ARHGAP26: variants seen among roughly 807,000 people sequenced by gnomAD.
ARHGAP26 encodes rho GTPase-activating protein 26.
A neutral mutation model predicts 104.8 loss-of-function variants in ARHGAP26; 38 were observed. The observed-to-expected ratio is 0.36, with a 90% CI of 0.28 to 0.48. ARHGAP26 has a LOEUF of 0.48. Ranked by LOEUF, ARHGAP26 falls within the 20% of genes least tolerant of loss-of-function variation. The probability of loss-of-function intolerance (pLI) is 0.99; values close to 1 mark genes in which losing one functional copy is unlikely to be tolerated. For missense variants in ARHGAP26, 704 were observed against 947.9 expected, an observed-to-expected ratio of 0.74 and a Z score of 3.38; for synonymous variants, 341 against 340.0, an observed-to-expected ratio of 1.00 and a Z score of -0.03.
chr5:142,962,279 C>T (rs1337372326), intron 11 of ARHGAP26, among the ~76,000 whole-genome samples: 2 of 152,132 alleles, frequency 1.3e-5, no homozygotes, highest in Admixed American at 6.5e-5. Flanking sequence ...GTTTGTTTTG[C>T]CTTTTTTGCA....
rs115254590 is a variant in ARHGAP26, at chr5:143,055,107, C to T, written c.1373+581C>T. Among the ~76,000 whole-genome samples the T allele has an allele frequency of 2.5e-3, 382 of 152,272 alleles. 2 individuals carry two copies. Among genetic ancestry groups the T allele is most frequent in the African/African-American group, 8.8e-3 (365 of 41,544 alleles). The stretch of plus-strand genomic sequence containing the variant: ...TAAAGGTTGGGTTATTGACCAGCTG[C>T]CTGCATCTTAGTTTCATGAATAGAC... On this transcript the variant is annotated intron_variant, in intron 15 of 22. Coordinates refer to ENST00000645722, the MANE Select transcript of ARHGAP26 (RefSeq NM_001135608.3).
intron 1 of ARHGAP26, among the ~76,000 whole-genome samples, chr5:142,821,580 A>G (rs1442159693): frequency 6.6e-6 from 1 of 152,038 alleles, no homozygotes; most frequent in African/African-American, 2.4e-5. Context: ...AGCACCATCA[A>G]CATCGTCTGG....
intron 4 of ARHGAP26, 69 bp from the exon 5 acceptor site, chr5:142,885,229 G>C: frequency 7.7e-7 from 1 of 1,298,732 alleles, no homozygotes; most frequent in Non-Finnish European, 1.1e-6. Context: ...AGGATCTTGA[G>C]AGATGGAGGC....
chr5:142,957,428 C>A (rs560456603), intron 11 of ARHGAP26, among the ~76,000 whole-genome samples: 2 of 152,202 alleles, frequency 1.3e-5, no homozygotes, highest in Non-Finnish European at 2.9e-5. Context: ...CCATTTAGCT[C>A]TCTGCCTTCC....
chr5:142,890,150 AAATATAT>A (rs1282221085), intron 5 of ARHGAP26, among the ~76,000 whole-genome samples: 30 of 70,952 alleles, frequency 4.2e-4, no homozygotes, highest in East Asian at 4.2e-3. Flanking sequence ...AAAAAAAAAA[AAATATAT>A]ATATATATAT....
intron 22 of ARHGAP26, among the ~76,000 whole-genome samples, chr5:143,215,403 C>T (rs997752418): frequency 5.3e-5 from 8 of 152,228 alleles, no homozygotes; most frequent in African/African-American, 1.9e-4. Context: ...TATGTATATG[C>T]TTCTGTCTTC....
intron 1 of ARHGAP26, among the ~76,000 whole-genome samples, chr5:142,777,767 C>T (rs1756641394): frequency 6.6e-6 from 1 of 152,008 alleles, no homozygotes; most frequent in African/African-American, 2.4e-5. Context: ...TGTTTGGGGG[C>T]CAGTGGCGCG....
At chr5:142,796,295 A>G (rs969152841) in intron 1 of ARHGAP26, among the ~76,000 whole-genome samples, 3 of 152,194 alleles carry the variant, frequency 2.0e-5, no homozygotes, top group Non-Finnish European at 4.4e-5. Context: ...TTGGGTTTAA[A>G]TATTGACTCT....
chr5:142,980,227 G>A (rs1428185897), intron 11 of ARHGAP26, among the ~76,000 whole-genome samples: 5 of 152,154 alleles, frequency 3.3e-5, no homozygotes, highest in African/African-American at 1.2e-4. Flanking sequence ...CCATGTAGCA[G>A]TAGTTTGTTC....
At chr5:143,141,403 G>A (rs923063103) in intron 19 of ARHGAP26, among the ~76,000 whole-genome samples, 1 of 152,212 alleles carries the variant, frequency 6.6e-6, no homozygotes, top group Non-Finnish European at 1.5e-5. Flanking sequence ...GTAGCAGATC[G>A]ATTGGACATT....
chr5:142,771,857 T>A (rs1040401995), intron 1 of ARHGAP26, among the ~76,000 whole-genome samples: 1 of 152,248 alleles, frequency 6.6e-6, no homozygotes, highest in Non-Finnish European at 1.5e-5. Flanking sequence ...TTTCTTTTTC[T>A]GGCCAAATAA....
At chr5:142,864,896 A>G (rs972313083) in intron 1 of ARHGAP26, among the ~76,000 whole-genome samples, 7 of 152,216 alleles carry the variant, frequency 4.6e-5, no homozygotes, top group African/African-American at 1.2e-4. Context: ...TGCGCAGCCA[A>G]TGCGCGTCAT....
intron 1 of ARHGAP26, among the ~76,000 whole-genome samples, chr5:142,791,082 G>GTTT (rs3059587): frequency 0.1 from 14,412 of 142,798 alleles, 1,507 homozygotes; most frequent in African/African-American, 0.27. Context: ...TTGCTTTAAA[G>GTTT]TTTTTTTTTT....
intron 1 of ARHGAP26, among the ~76,000 whole-genome samples, chr5:142,869,210 T>C (rs1285351932): frequency 9.2e-5 from 13 of 141,950 alleles, no homozygotes; most frequent in African/African-American, 7.9e-5. Context: ...TCTTTTTTCT[T>C]TTTTTTTTTT....
chr5:142,973,963 T>G (rs989784057), intron 11 of ARHGAP26, among the ~76,000 whole-genome samples: 3 of 152,234 alleles, frequency 2.0e-5, no homozygotes, highest in Non-Finnish European at 4.4e-5. Context: ...ACATACATTT[T>G]GAAGATTATT....
In ARHGAP26 at chr5:143,089,516, T is replaced by G. The variant is rs114024337; in HGVS notation, c.1539-31472T>G. 9.6e-3 allele frequency among the ~76,000 whole-genome samples: 1,467 copies of G among 152,298 alleles called. 24 individuals carry two copies. The highest frequency in any genetic ancestry group is 0.077 in the East Asian group (402 of 5,188). ...CATCAGGGGTGGTGGTGTTTTGGGATGAAGGTACAACACTGAGTTTTAATC... is the reference window on the plus strand; with the variant it reads ...CATCAGGGGTGGTGGTGTTTTGGGAGGAAGGTACAACACTGAGTTTTAATC... On this transcript the variant is annotated intron_variant, in intron 17 of 22. Coordinates refer to ENST00000645722, the MANE Select transcript of ARHGAP26 (RefSeq NM_001135608.3).
At chr5:142,842,045 T>C (rs1770914809) in intron 1 of ARHGAP26, among the ~76,000 whole-genome samples, 1 of 152,222 alleles carries the variant, frequency 6.6e-6, no homozygotes, top group Non-Finnish European at 1.5e-5. Flanking sequence ...TTTTCCCTTG[T>C]ACAAGCCTTC....
chr5:142,781,453 A>G (rs1368330664), intron 1 of ARHGAP26, among the ~76,000 whole-genome samples: 1 of 152,148 alleles, frequency 6.6e-6, no homozygotes, highest in East Asian at 1.9e-4. Context: ...AAATAATCCC[A>G]TATTTCACCA....
At chr5:142,975,254 A>C (rs1221119809) in intron 11 of ARHGAP26, among the ~76,000 whole-genome samples, 1 of 152,122 alleles carries the variant, frequency 6.6e-6, no homozygotes, top group Non-Finnish European at 1.5e-5. Context: ...CTGCAGCTTT[A>C]ATATAAAAGG....
Sources: gnomAD v4.1 joint callset for allele counts (sites outside exome capture counted in the v4.1 genomes callset) on GRCh38, gnomAD v4.1.1 for gene constraint, MANE v1.5 for transcripts, NCBI Gene and HGNC (gene_info 2026-07-23, HGNC 2026-07-21) for gene names.